The following SELENOF variants were observed in gnomAD, a reference collection of about 807,000 sequenced individuals.
The protein encoded by SELENOF is selenoprotein F.
Under a neutral mutation model 20.5 loss-of-function variants are expected in SELENOF, and 16 were observed. The ratio of observed to expected loss-of-function variants is 0.78; its 90% confidence interval spans 0.53 to 1.19. The LOEUF is 1.19. Among genes scored for constraint, SELENOF ranks in the 50% most tolerant of loss-of-function variants. The probability of loss-of-function intolerance (pLI) is 0.00; values close to 1 mark genes in which losing one functional copy is unlikely to be tolerated. For synonymous variants in SELENOF, 78 were observed against 74.5 expected (o/e 1.05, Z -0.24); for missense variants, 215 against 194.2 (o/e 1.11, Z -0.64).
At chr1:86,913,915 T>C (rs1660060242) in intron 1 of SELENOF, 113 bp downstream of exon 1, 1 of 980,580 alleles carries the variant, frequency 1.0e-6, no homozygotes, top group South Asian at 1.3e-5. Flanking sequence ...CAGCAGTCAT[T>C]AAGGAAGCGC....
At chr1:86,871,310 G>C (rs1212776164) in intron 3 of SELENOF, among the ~76,000 whole-genome samples, 1 of 152,142 alleles carries the variant, frequency 6.6e-6, no homozygotes, top group Non-Finnish European at 1.5e-5. Flanking sequence ...AGTACTCTAA[G>C]TTCAGAGCAA....
chr1:86,905,549 G>C (rs1489041650), intron 1 of SELENOF, among the ~76,000 whole-genome samples: 1 of 152,050 alleles, frequency 6.6e-6, no homozygotes, highest in Admixed American at 6.6e-5. Flanking sequence ...AAACAGTACC[G>C]TTCGTGACAC....
Position 86,866,236 on chromosome 1 carries a change from G to C in SELENOF, c.366+1817C>G, listed in dbSNP as rs550495494. ...AAAAAAAAAGTGTGTGTCTCTGTGT[G>C]TGTGTGTGTGTGTGTGTGTGTGTGT... is the stretch of plus-strand genomic sequence containing the variant. On this transcript the variant is annotated intron_variant, in intron 4 of 4. Transcript: ENST00000331835. Among the ~76,000 whole-genome samples, 1,192 of 138,020 alleles carry C rather than the reference G, an allele frequency of 8.6e-3. 19 individuals are homozygous for C. Among genetic ancestry groups the C allele is most frequent in the African/African-American group, 0.032 (1,150 of 36,040 alleles). The allele number at this position is 138,020 out of a possible 152,430, so 90.5% of individuals were successfully genotyped here.
intron 2 of SELENOF, among the ~76,000 whole-genome samples, chr1:86,889,502 G>A (rs539085713): frequency 3.2e-4 from 49 of 152,244 alleles, no homozygotes; most frequent in African/African-American, 1.2e-3. Flanking sequence ...GCTGAGACAG[G>A]AGAATCACTT....
At chr1:86,880,851 G>T (rs1659049916) in intron 2 of SELENOF, 126 bp from the exon 3 acceptor site, 1 of 565,042 alleles carries the variant, frequency 1.8e-6, no homozygotes, top group Non-Finnish European at 2.9e-6. Context: ...AAATGTCAAA[G>T]CTGGTTAGCC....
intron 2 of SELENOF, among the ~76,000 whole-genome samples, chr1:86,889,008 AAATTG>A (rs1406699367): frequency 6.6e-6 from 1 of 152,240 alleles, no homozygotes; most frequent in Non-Finnish European, 1.5e-5. Flanking sequence ...AAAACAAATT[AAATTG>A]TGGTATCTCC....
chr1:86,914,088 C>T lies in SELENOF; in HGVS notation c.24G>A (p.Pro8=), dbSNP rs569250229. The T allele has an allele frequency of 2.0e-4, 327 of 1,613,986 alleles. 4 individuals are homozygous for T. Among genetic ancestry groups the T allele is most frequent in the South Asian group, 1.9e-3 (173 of 91,082 alleles). ...CAAACGCCGGCACCAGACACCCACTCGGCCCAGCCGCCATCGCTACCATTT... is the reference window on the plus strand; with the variant it reads ...CAAACGCCGGCACCAGACACCCACTTGGCCCAGCCGCCATCGCTACCATTT... MVAMAAG[P]SGCLVPAFGL... Residue 8 remains proline (P), a synonymous_variant, in exon 1 of 5, where the codon CCG becomes CCA. Transcript: ENST00000331835.
chr1:86,879,135 A>G lies in SELENOF; in HGVS notation c.316+1527T>C, dbSNP rs557632914. On this transcript the variant is annotated intron_variant, in intron 3 of 4. Transcript: ENST00000331835. ...CTTGATTCTCATGAAAATCTAAGTTATAAAATGTTGTTTTTAATAAAACAA... is the reference window on the plus strand; with the variant it reads ...CTTGATTCTCATGAAAATCTAAGTTGTAAAATGTTGTTTTTAATAAAACAA... 2.6e-5 allele frequency among the ~76,000 whole-genome samples: 4 copies of G among 152,286 alleles called. No individual in the cohort carries two copies. The South Asian group carries it at 6.2e-4, about 24-fold the overall frequency.
At chr1:86,867,022 C>T (rs1658617432) in intron 4 of SELENOF, among the ~76,000 whole-genome samples, 1 of 152,188 alleles carries the variant, frequency 6.6e-6, no homozygotes, top group Non-Finnish European at 1.5e-5. Flanking sequence ...ATTAGCTTTA[C>T]TCAAAATTGC....
intron 2 of SELENOF, 122 bp from the exon 3 acceptor site, chr1:86,880,847 C>T (rs1276600694): frequency 5.2e-6 from 3 of 580,824 alleles, no homozygotes; most frequent in Non-Finnish European, 8.4e-6. Flanking sequence ...AAAGAAATGT[C>T]AAAGCTGGTT....
At chr1:86,903,182 C>T in intron 2 of SELENOF, 99 bp downstream of exon 2, 1 of 1,069,574 alleles carries the variant, frequency 9.3e-7, no homozygotes, top group South Asian at 1.7e-5. Context: ...AATGTAAAAG[C>T]TTAGAGGCTT....
intron 2 of SELENOF, among the ~76,000 whole-genome samples, chr1:86,895,439 G>A (rs990295434): frequency 6.6e-6 from 1 of 152,194 alleles, no homozygotes; most frequent in Admixed American, 6.5e-5. Flanking sequence ...TTATATGCTA[G>A]ACACAATTTT....
rs186787411 is a variant in SELENOF, at chr1:86,891,997, C to T, written c.253-11272G>A. ...CCAGGATGGAGTGCAGTGGCGTGAT[C>T]TCGGTTCAATGCAACCTCTGCCTCC... On this transcript the variant is annotated intron_variant, in intron 2 of 4. Transcript: ENST00000331835. Among the ~76,000 whole-genome samples, 106 of 151,358 alleles carry T rather than the reference C, an allele frequency of 7.0e-4. No individual in the cohort carries two copies. The East Asian group carries it at 0.018, about 26-fold the overall frequency.
Position 86,897,335 on chromosome 1 carries a change from G to A in SELENOF, c.252+5946C>T, listed in dbSNP as rs115497626. ...AATCCAACAGCATTATTTTTTGGGA[G>A]AGAAAGAAAAGCAAAACAATAGATA... On this transcript the variant is annotated intron_variant, in intron 2 of 4. Coordinates refer to ENST00000331835, the MANE Select transcript of SELENOF (RefSeq NM_004261.5). 8.6e-3 allele frequency among the ~76,000 whole-genome samples: 1,302 copies of A among 152,198 alleles called. 23 individuals are homozygous for A. Among genetic ancestry groups the A allele is most frequent in the African/African-American group, 0.029 (1,225 of 41,546 alleles).
chr1:86,897,811 A>G (rs1045944267), intron 2 of SELENOF, among the ~76,000 whole-genome samples: 2 of 152,232 alleles, frequency 1.3e-5, no homozygotes, highest in Non-Finnish European at 2.9e-5. Context: ...AGAGGCTGCA[A>G]GAGCCTGTCA....
intron 1 of SELENOF, among the ~76,000 whole-genome samples, chr1:86,905,375 A>G (rs1659802213): frequency 6.6e-6 from 1 of 152,140 alleles, no homozygotes; most frequent in Non-Finnish European, 1.5e-5. Flanking sequence ...AGTCTCCCCT[A>G]TATTTAAGGT....
intron 2 of SELENOF, among the ~76,000 whole-genome samples, chr1:86,902,962 C>A (rs1361712783): frequency 6.6e-6 from 1 of 152,154 alleles, no homozygotes; most frequent in Non-Finnish European, 1.5e-5. Flanking sequence ...TATAAATGAA[C>A]AAAAGCACCT....
chr1:86,881,096 A>G (rs75391687), intron 2 of SELENOF, among the ~76,000 whole-genome samples: 3,518 of 152,306 alleles, frequency 0.023, 130 homozygotes, highest in African/African-American at 0.08. Flanking sequence ...ATAGGTATAT[A>G]TCATCTATCC....
At chr1:86,912,958 G>C (rs1173560679) in intron 1 of SELENOF, among the ~76,000 whole-genome samples, 1 of 152,110 alleles carries the variant, frequency 6.6e-6, no homozygotes, top group East Asian at 1.9e-4. Flanking sequence ...CTAAAGATGT[G>C]CAAAAACCCT....
Sources: allele counts gnomAD v4.1 joint callset (sites outside exome capture counted in the v4.1 genomes callset), GRCh38; gene constraint gnomAD v4.1.1; transcripts MANE v1.5; gene names NCBI Gene and HGNC (gene_info 2026-07-23, HGNC 2026-07-21).